Variants in ZNF407 observed in about 807,000 individuals in gnomAD.
ZNF407 encodes the protein zinc finger protein 407.
In ZNF407, 17 loss-of-function variants were observed where a neutral mutation model predicts 131.2. The observed-to-expected ratio is 0.13, with a 90% CI of 0.09 to 0.19. ZNF407 has a LOEUF of 0.19. ZNF407 is among the 10% of genes least tolerant of loss of function. The pLI, the probability that ZNF407 is intolerant of heterozygous loss-of-function variation, is 1.00. For synonymous variants in ZNF407, 1,156 were observed against 1,062.0 expected, an observed-to-expected ratio of 1.09 and a Z score of -1.72; for missense variants, 2,681 against 2,830.6, an observed-to-expected ratio of 0.95 and a Z score of 1.20.
chr18:74,951,101 A>G (rs928103651), intron 8 of ZNF407, among the ~76,000 whole-genome samples: 3 of 152,224 alleles, frequency 2.0e-5, no homozygotes, highest in African/African-American at 7.2e-5. Flanking sequence ...GCAGCACACA[A>G]GAGTCTAAAT....
intron 8 of ZNF407, among the ~76,000 whole-genome samples, chr18:74,927,552 G>C (rs1040213331): frequency 4.6e-5 from 7 of 152,194 alleles, no homozygotes; most frequent in African/African-American, 1.7e-4. Context: ...TTTCACCATG[G>C]AGATGTGTAA....
intron 7 of ZNF407, among the ~76,000 whole-genome samples, chr18:74,918,464 C>G (rs1447058132): frequency 1.3e-5 from 2 of 152,182 alleles, no homozygotes; most frequent in African/African-American, 2.4e-5. Context: ...ACCTGGCATA[C>G]ATTAGGTGCT....
At chr18:74,627,682 T>G (rs1204295680) in intron 1 of ZNF407, among the ~76,000 whole-genome samples, 1 of 152,166 alleles carries the variant, frequency 6.6e-6, no homozygotes, top group African/African-American at 2.4e-5. Context: ...TGATTCTTTA[T>G]AAACAAAGCG....
At position 75,038,649 on chromosome 18, in the gene ZNF407, A is replaced by G. The variant is rs181143301; in HGVS notation, c.5429-24501A>G. ...AAAATTAACATGGACATCAAAAGAC[A>G]TGAAATGGGGCCAGTTTCTAAGAAA... On this transcript the variant is annotated intron_variant, in intron 8 of 8. Coordinates refer to ENST00000299687, the MANE Select transcript of ZNF407 (RefSeq NM_017757.3). Among the ~76,000 whole-genome samples, 719 of 152,336 alleles carry G rather than the reference A, an allele frequency of 4.7e-3. 8 individuals carry two copies. Among genetic ancestry groups the G allele is most frequent in the African/African-American group, 0.016 (669 of 41,570 alleles).
chr18:75,052,635 T>C (rs115094629), intron 8 of ZNF407, among the ~76,000 whole-genome samples: 1 of 152,344 alleles, frequency 6.6e-6, no homozygotes, highest in African/African-American at 2.4e-5. Flanking sequence ...ACTGGTTGTG[T>C]GCCAAGTGGA....
At chr18:75,047,890 T>C (rs1364133421) in intron 8 of ZNF407, among the ~76,000 whole-genome samples, 2 of 152,208 alleles carry the variant, frequency 1.3e-5, no homozygotes, top group African/African-American at 4.8e-5. Flanking sequence ...AGTATCTTTG[T>C]TGAGAAAAAT....
intron 8 of ZNF407, among the ~76,000 whole-genome samples, chr18:75,061,018 TG>T (rs1239876429): frequency 6.6e-6 from 1 of 152,188 alleles, no homozygotes; most frequent in Non-Finnish European, 1.5e-5. Flanking sequence ...ATGCACCCAC[TG>T]GAAGACAGGC....
chr18:74,944,460 G>A (rs921093552), intron 8 of ZNF407, among the ~76,000 whole-genome samples: 1 of 152,054 alleles, frequency 6.6e-6, no homozygotes, highest in African/African-American at 2.4e-5. Flanking sequence ...AGAATTGCAG[G>A]ATGCACACTA....
At chr18:74,800,378 C>T (rs1471171811) in intron 4 of ZNF407, among the ~76,000 whole-genome samples, 1 of 151,928 alleles carries the variant, frequency 6.6e-6, no homozygotes, top group Non-Finnish European at 1.5e-5. Context: ...TTTTTATTCT[C>T]ATATTATTTT....
intron 8 of ZNF407, among the ~76,000 whole-genome samples, chr18:74,951,341 T>C (rs1972211641): frequency 6.6e-6 from 1 of 152,190 alleles, no homozygotes; most frequent in Admixed American, 6.6e-5. Context: ...CCCTTCACTT[T>C]CTCTCCTCCC....
At chr18:74,762,607 T>G (rs1180137657) in intron 3 of ZNF407, among the ~76,000 whole-genome samples, 1 of 152,176 alleles carries the variant, frequency 6.6e-6, no homozygotes, top group Non-Finnish European at 1.5e-5. Flanking sequence ...GCCATCCCTA[T>G]GCAACTGCTG....
chr18:74,902,493 A>AAGGG (rs1971540511), intron 7 of ZNF407, among the ~76,000 whole-genome samples: 1 of 152,310 alleles, frequency 6.6e-6, no homozygotes, highest in Admixed American at 6.5e-5. Flanking sequence ...ACAAGGGACA[A>AAGGG]AGGGAAGCAT....
intron 8 of ZNF407, among the ~76,000 whole-genome samples, chr18:74,944,862 C>CA (rs1972137638): frequency 6.6e-6 from 1 of 152,184 alleles, no homozygotes; most frequent in South Asian, 2.1e-4. Context: ...TATCTGCAAA[C>CA]AAAAAACCTC....
intron 3 of ZNF407, among the ~76,000 whole-genome samples, chr18:74,706,917 T>G (rs1196409895): frequency 6.6e-6 from 1 of 151,220 alleles, no homozygotes; most frequent in Non-Finnish European, 1.5e-5. Flanking sequence ...GCACTGTTCA[T>G]TCCACAGGGG....
chr18:74,871,632 C>T (rs2554138), intron 4 of ZNF407, among the ~76,000 whole-genome samples: 120,914 of 151,996 alleles, frequency 0.8, 49,102 homozygotes, highest in Non-Finnish European at 0.87. Flanking sequence ...TTAGCTCACT[C>T]TTTTATTAAA....
intron 7 of ZNF407, among the ~76,000 whole-genome samples, chr18:74,916,753 A>G (rs1352950301): frequency 0.022 from 1,418 of 63,822 alleles, 93 homozygotes; most frequent in African/African-American, 0.084. Context: ...GTATGGTGAG[A>G]TTGTATGCAG....
chr18:74,847,924 A>T (rs558213283), intron 4 of ZNF407, among the ~76,000 whole-genome samples: 380 of 151,628 alleles, frequency 2.5e-3, no homozygotes, highest in Non-Finnish European at 4.5e-3. Context: ...TTCATCCAAG[A>T]TACACCTTTT....
At position 74,848,220 on chromosome 18, in the gene ZNF407, T is replaced by C. The variant is rs371647033; in HGVS notation, c.4878-28977T>C. Among the ~76,000 whole-genome samples, 84 of 152,296 alleles carry C rather than the reference T, an allele frequency of 5.5e-4. No individual in the cohort carries two copies. In the South Asian group the frequency reaches 0.017, roughly 30 times the overall value. ...TAATAATGATATGAATTGAGAAACG[T>C]TGAGAAGAACTGAGCAGTTGCTTGT... On this transcript the variant is annotated intron_variant, in intron 4 of 8. Coordinates refer to ENST00000299687, the MANE Select transcript of ZNF407 (RefSeq NM_017757.3).
At chr18:74,674,216 C>A (rs951754044) in intron 3 of ZNF407, among the ~76,000 whole-genome samples, 1 of 152,204 alleles carries the variant, frequency 6.6e-6, no homozygotes, top group Non-Finnish European at 1.5e-5. Flanking sequence ...CCTTTGCCTG[C>A]CACTCCGCTG....
Sources: allele counts gnomAD v4.1 joint callset (sites outside exome capture counted in the v4.1 genomes callset), GRCh38; gene constraint gnomAD v4.1.1; transcripts MANE v1.5; gene names NCBI Gene and HGNC (gene_info 2026-07-23, HGNC 2026-07-21).